The following HNRNPL variants were observed in gnomAD, a reference collection of about 807,000 sequenced individuals.
HNRNPL encodes epididymis secretory sperm binding protein.
In HNRNPL, 12 loss-of-function variants were observed where a neutral mutation model predicts 64.0. That is an observed-to-expected ratio of 0.19 (90% confidence interval 0.12 to 0.30). The LOEUF (loss-of-function observed/expected upper bound fraction) is 0.30, where lower values mean the gene tolerates loss of function less well. HNRNPL is among the 10% of genes least tolerant of loss of function. The pLI is 1.00. For synonymous variants in HNRNPL, 385 were observed against 313.0 expected (o/e 1.23, Z -2.43); for missense variants, 484 against 797.4 (o/e 0.61, Z 4.73).
upstream of HNRNPL, among the ~76,000 whole-genome samples, chr19:38,851,414 G>A (rs978435845): frequency 6.6e-6 from 1 of 152,218 alleles, no homozygotes; most frequent in Non-Finnish European, 1.5e-5. Context: ...ACATTATGGG[G>A]CTGCCCGCGC....
chr19:38,847,570 G>C, intron 1 of HNRNPL, 136 bp from the exon 2 acceptor site: 1 of 457,964 alleles, frequency 2.2e-6, no homozygotes. Context: ...AAAGACTAGG[G>C]GCAGCAATTG....
At chr19:38,838,795 A>C in intron 9 of HNRNPL, 99 bp downstream of exon 9, 1 of 1,508,160 alleles carries the variant, frequency 6.6e-7, no homozygotes, top group Non-Finnish European at 9.2e-7. Context: ...TTTCTGTGTG[A>C]GTCAACACCT....
chr19:38,837,767 G>A, intron 10 of HNRNPL, 116 bp from the exon 11 acceptor site: 3 of 850,654 alleles, frequency 3.5e-6, no homozygotes, highest in Admixed American at 2.3e-5. Context: ...GAAAAGGCTT[G>A]TAGATTTTAT....
rs770348405 is a variant in HNRNPL, at chr19:38,849,907, C to T, written c.60G>A (p.Gln20=). 191 of 1,283,824 alleles carry T rather than the reference C, an allele frequency of 1.5e-4. No individual in the cohort carries two copies. The highest frequency in any genetic ancestry group is 2.0e-4 in the Non-Finnish European group (180 of 922,332). The allele number at this position is 1,283,824 out of a possible 1,614,324, so 79.5% of individuals were successfully genotyped here. A position where few individuals can be genotyped will look rare whatever the true frequency, so the allele number is the denominator to read the frequency against. The change falls in exon 1 of 13, where the codon CAG becomes CAA. Residue 20 remains glutamine, a synonymous_variant. Transcript: ENST00000221419. ...EKRRRRLEQR[Q]QPDEQRRRSG... is the part of the protein sequence containing the mutation. The stretch of plus-strand genomic sequence containing the variant: ...ACCGCCTCCGCTGCTCGTCCGGCTG[C>T]TGCCTCTGCTCCAGCCGCCGACGCC...
At chr19:38,840,815 G>A in intron 6 of HNRNPL, 1 of 511,728 alleles carries the variant, frequency 2.0e-6, no homozygotes, top group Non-Finnish European at 3.4e-6. Flanking sequence ...GCCAGATTCT[G>A]TGCTCTCACC....
chr19:38,839,084 G>A lies in HNRNPL; in HGVS notation c.1234-69C>T, dbSNP rs919152764. The A allele has an allele frequency of 2.5e-6, 4 of 1,591,362 alleles. No individual in the cohort carries two copies. The Admixed American group carries it at 5.0e-5, about 20-fold the overall frequency. ...GGGTCCCCTCTCCTGCCCCTCCCAA[G>A]TTAGTGATAATAACCCCTGCTCTGG... On this transcript the variant is annotated intron_variant, in intron 8 of 12. Coordinates refer to ENST00000221419, the MANE Select transcript of HNRNPL (RefSeq NM_001533.3).
chr19:38,850,663 G>A (rs867045344), upstream of HNRNPL, among the ~76,000 whole-genome samples: 1 of 152,346 alleles, frequency 6.6e-6, no homozygotes, highest in East Asian at 1.9e-4. Context: ...TGGAGCGACC[G>A]CTGTGTGTGC....
upstream of HNRNPL, chr19:38,850,382 T>C: frequency 5.7e-6 from 1 of 175,264 alleles, no homozygotes; most frequent in Non-Finnish European, 1.2e-5. Context: ...CCGCGCCACT[T>C]CGCAAGGAGA....
chr19:38,850,747 C>G (rs1011434833), upstream of HNRNPL, among the ~76,000 whole-genome samples: 1 of 152,236 alleles, frequency 6.6e-6, no homozygotes, highest in Admixed American at 6.5e-5. Context: ...GTGTTCATTT[C>G]TACCTCTAGG....
upstream of HNRNPL, chr19:38,850,243 G>C (rs1185281309): frequency 2.7e-6 from 1 of 373,450 alleles, no homozygotes; most frequent in African/African-American, 2.1e-5. Flanking sequence ...TCGGATTTCT[G>C]GCGCTGCTGG....
chr19:38,839,880 TC>T (rs1972052031), intron 8 of HNRNPL, among the ~76,000 whole-genome samples: 1 of 152,238 alleles, frequency 6.6e-6, no homozygotes, highest in African/African-American at 2.4e-5. Context: ...TGTGATAAAA[TC>T]TTTTTTTTAA....
upstream of HNRNPL, among the ~76,000 whole-genome samples, chr19:38,850,715 T>TCA (rs1194017694): frequency 2.0e-5 from 3 of 152,210 alleles, no homozygotes; most frequent in Non-Finnish European, 2.9e-5. Context: ...TCCCAGGGTA[T>TCA]CTCTGTCGCC....
chr19:38,838,865 C>G, intron 9 of HNRNPL, 29 bp downstream of exon 9: 1 of 1,613,824 alleles, frequency 6.2e-7, no homozygotes, highest in East Asian at 2.2e-5. Flanking sequence ...CCCTGTACCT[C>G]TGCTGCCCTC....
chr19:38,842,396 G>A (rs934905467), intron 6 of HNRNPL: 3 of 152,032 alleles, frequency 2.0e-5, no homozygotes, highest in Admixed American at 1.3e-4. Flanking sequence ...TACATTCTCG[G>A]GTTCAAGTTT....
upstream of HNRNPL, among the ~76,000 whole-genome samples, chr19:38,851,882 AG>A: frequency 6.6e-6 from 1 of 152,118 alleles, no homozygotes; most frequent in Non-Finnish European, 1.5e-5. Flanking sequence ...CCCGGACACC[AG>A]GAAGATCCGA....
At chr19:38,837,684 G>A (rs751675420) in intron 10 of HNRNPL, 33 bp from the exon 11 acceptor site, 2 of 1,597,616 alleles carry the variant, frequency 1.3e-6, no homozygotes, top group Non-Finnish European at 1.7e-6. Flanking sequence ...AATGAACTCT[G>A]AAACAAAAGG....
At position 38,849,716 on chromosome 19, in the gene HNRNPL, CCCG is replaced by C; in HGVS notation, c.248_250del (p.Ala83del). ...TGGCCTCACCCCACCGCCGCCGCCG[CCCG>C]CCGCCCCGGCTCCTCCACCGCCACC... On this transcript the variant is annotated inframe_deletion, in exon 1 of 13. Coordinates refer to ENST00000221419, the MANE Select transcript of HNRNPL (RefSeq NM_001533.3). 2 of 1,366,094 alleles carry C rather than the reference CCCG, an allele frequency of 1.5e-6. No homozygotes were observed. Among genetic ancestry groups the C allele is most frequent in the Non-Finnish European group, 1.9e-6 (2 of 1,068,436 alleles). The allele number at this position is 1,366,094 out of a possible 1,614,324, so 84.6% of individuals were successfully genotyped here. A position where few individuals can be genotyped will look rare whatever the true frequency, so the allele number is the denominator to read the frequency against.
intron 12 of HNRNPL, 193 bp downstream of exon 12, chr19:38,837,191 G>A (rs1971956847): frequency 1.7e-6 from 1 of 598,378 alleles, no homozygotes; most frequent in African/African-American, 1.9e-5. Flanking sequence ...GTGAGTGGCA[G>A]CAGGCAGTCA....
At chr19:38,837,722 G>A (rs1327873310) in intron 10 of HNRNPL, 71 bp from the exon 11 acceptor site, 2 of 1,329,312 alleles carry the variant, frequency 1.5e-6, no homozygotes, top group East Asian at 4.7e-5. Flanking sequence ...AAGCAGACCA[G>A]GCCCTGCATG....
Sources: gnomAD v4.1 joint callset for allele counts (sites outside exome capture counted in the v4.1 genomes callset) on GRCh38, gnomAD v4.1.1 for gene constraint, MANE v1.5 for transcripts, NCBI Gene and HGNC (gene_info 2026-07-23, HGNC 2026-07-21) for gene names.